Variants in USP25 observed in about 807,000 individuals in gnomAD.
USP25 encodes the protein ubiquitin specific peptidase 25.
Under a neutral mutation model 158.5 loss-of-function variants are expected in USP25, and 85 were observed. The observed-to-expected ratio is 0.54, with a 90% CI of 0.45 to 0.64. The LOEUF is 0.64. USP25 is among the 30% of genes least tolerant of loss of function. The probability of loss-of-function intolerance (pLI) is 0.00; values close to 1 mark genes in which losing one functional copy is unlikely to be tolerated. For missense variants in USP25, 1,242 were observed against 1,327.3 expected (o/e 0.94, Z 1.00); for synonymous variants, 464 against 460.4 (o/e 1.01, Z -0.10).
At chr21:15,738,190 TATC>T (rs2031702858) in intron 1 of USP25, among the ~76,000 whole-genome samples, 1 of 152,244 alleles carries the variant, frequency 6.6e-6, no homozygotes, top group Admixed American at 6.5e-5. Context: ...ATTTTGTGAA[TATC>T]ATCCTGTGTT....
rs1029350072 is a variant in USP25 at position 15,766,840 on chromosome 21, G to C, written c.268+699G>C. Among the ~76,000 whole-genome samples, 19 of 151,882 alleles carry C rather than the reference G, an allele frequency of 1.3e-4. No homozygotes were observed. The highest frequency in any genetic ancestry group is 4.4e-4 in the African/African-American group (18 of 41,354). ...AGTTACTTTTATGCCTTATGGATTT[G>C]CAAAGTTTGATTATTAACATATATT... On this transcript the variant is annotated intron_variant, in intron 3 of 25. Transcript: ENST00000400183. The surrounding 1 kb of genome is among the most constrained non-coding windows in gnomAD (Gnocchi z 4.0).
intron 4 of USP25, among the ~76,000 whole-genome samples, chr21:15,789,381 A>G (rs2035468207): frequency 6.6e-6 from 1 of 152,104 alleles, no homozygotes; most frequent in Admixed American, 6.6e-5. Context: ...AGTTTTCTGT[A>G]GCTGATGTAT....
chr21:15,853,643 C>A (rs1484908351), intron 20 of USP25, among the ~76,000 whole-genome samples: 3 of 151,998 alleles, frequency 2.0e-5, no homozygotes, highest in African/African-American at 7.2e-5. Flanking sequence ...TTTTTAAATT[C>A]AAATGCTTAC....
rs2030653018 is a variant in USP25, at chr21:15,730,282, C to G, written c.-112C>G. ...CCTGGCTGGCGGGGGCGCTGTCCTCCCAGGCCGTCCGCGCCGCTCCCTGGA... is the reference window on the plus strand; with the variant it reads ...CCTGGCTGGCGGGGGCGCTGTCCTCGCAGGCCGTCCGCGCCGCTCCCTGGA... On this transcript the variant is annotated 5_prime_UTR_variant, in exon 1 of 26. Transcript: ENST00000400183. The G allele has an allele frequency of 1.0e-6, 1 of 985,394 alleles. No homozygotes were observed. The highest frequency in any genetic ancestry group is 4.6e-5 in the South Asian group (1 of 21,912). 61.0% of individuals were successfully genotyped at this position (985,394 alleles called of 1,614,324 possible). A position where few individuals can be genotyped will look rare whatever the true frequency, so the allele number is the denominator to read the frequency against.
chr21:15,739,873 G>T (rs561269713), intron 1 of USP25, among the ~76,000 whole-genome samples: 3 of 152,330 alleles, frequency 2.0e-5, no homozygotes, highest in African/African-American at 7.2e-5. Context: ...TATTTTGGCA[G>T]ACTTTAATTA....
chr21:15,756,559 C>A (rs891513908), intron 1 of USP25, among the ~76,000 whole-genome samples: 1 of 152,010 alleles, frequency 6.6e-6, no homozygotes, highest in African/African-American at 2.4e-5. Flanking sequence ...TTTAAAAATA[C>A]CCAGCATTAA....
intron 5 of USP25, among the ~76,000 whole-genome samples, chr21:15,793,502 A>T (rs1431684717): frequency 2.5e-5 from 3 of 120,428 alleles, no homozygotes; most frequent in African/African-American, 2.1e-4. Flanking sequence ...ATTATCTTTT[A>T]AAAAAATGCC....
intron 3 of USP25, among the ~76,000 whole-genome samples, chr21:15,767,191 G>A (rs2034089478): frequency 6.6e-6 from 1 of 152,022 alleles, no homozygotes; most frequent in African/African-American, 2.4e-5. Flanking sequence ...TTTTCCTCCT[G>A]TCATTCAACA....
At chr21:15,847,568 G>A in intron 18 of USP25, 95 bp from the exon 19 acceptor site, 1 of 810,500 alleles carries the variant, frequency 1.2e-6, no homozygotes, top group Non-Finnish European at 2.0e-6. Flanking sequence ...CAGGGCTGCT[G>A]CTTAGGGATG....
At chr21:15,818,885 G>T (rs761763589) in intron 10 of USP25, 39 bp downstream of exon 10, 45 of 1,605,704 alleles carry the variant, frequency 2.8e-5, no homozygotes, top group Non-Finnish European at 3.5e-5. Flanking sequence ...TCTTCCCTAG[G>T]TCTTTCTTAC....
Position 15,831,417 on chromosome 21 carries a change from A to G in USP25, c.1781A>G (p.His594Arg). The G allele has an allele frequency of 6.2e-7, 1 of 1,614,034 alleles. No individual in the cohort carries two copies. Among genetic ancestry groups the G allele is most frequent in the Non-Finnish European group, 8.5e-7 (1 of 1,179,952 alleles). The change falls in exon 16 of 26, where the codon CAT (histidine) becomes CGT (arginine). Residue 594 changes from histidine to arginine, a missense_variant. Transcript: ENST00000400183. ...KSMIQVPYRL[H>R]AVLVHEGQAN... ...CACATTTAGGTTCCTTATCGATTAC[A>G]TGCCGTTTTAGTTCACGAAGGCCAA...
At chr21:15,851,041 G>A (rs1461810010) in intron 20 of USP25, among the ~76,000 whole-genome samples, 3 of 151,508 alleles carry the variant, frequency 2.0e-5, no homozygotes, top group Non-Finnish European at 4.4e-5. Context: ...ATAGTTTCTA[G>A]GTTTCTAACT....
At chr21:15,856,677 T>C (rs541400915) in intron 20 of USP25, among the ~76,000 whole-genome samples, 2 of 152,162 alleles carry the variant, frequency 1.3e-5, no homozygotes, top group Non-Finnish European at 2.9e-5. Flanking sequence ...TTCACCGTGT[T>C]AGCCAGGATG....
chr21:15,831,346 T>A (rs941378211), intron 15 of USP25, 55 bp from the exon 16 acceptor site: 1 of 1,495,938 alleles, frequency 6.7e-7, no homozygotes. Flanking sequence ...TCATGGAATG[T>A]GGTATATAGT....
At chr21:15,859,182 C>A (rs1255751959) in intron 20 of USP25, among the ~76,000 whole-genome samples, 1 of 147,932 alleles carries the variant, frequency 6.8e-6, no homozygotes, top group East Asian at 2.0e-4. Context: ...AGGAGGCTTT[C>A]TCTTGTTTTG....
At chr21:15,735,876 G>A (rs2031443742) in intron 1 of USP25, among the ~76,000 whole-genome samples, 3 of 151,548 alleles carry the variant, frequency 2.0e-5, no homozygotes, top group South Asian at 2.1e-4. Context: ...ATCTTTTCTA[G>A]GGTCAAATTT....
intron 1 of USP25, among the ~76,000 whole-genome samples, chr21:15,734,958 A>G (rs952003318): frequency 6.6e-6 from 1 of 152,142 alleles, no homozygotes; most frequent in African/African-American, 2.4e-5. Context: ...CAACCACCTT[A>G]TGAAGTGAGT....
intron 4 of USP25, among the ~76,000 whole-genome samples, chr21:15,788,249 C>T (rs1458796950): frequency 6.6e-6 from 1 of 151,446 alleles, no homozygotes; most frequent in East Asian, 1.9e-4. Flanking sequence ...TGGGTAGTAT[C>T]ATTGGAAAGG....
chr21:15,795,634 A>G (rs770816732), intron 5 of USP25, among the ~76,000 whole-genome samples: 15 of 151,506 alleles, frequency 9.9e-5, no homozygotes, highest in Non-Finnish European at 1.8e-4. Flanking sequence ...TGCTGTTTGT[A>G]GCTCTCAATC....
Sources: gnomAD v4.1 joint callset for allele counts (sites outside exome capture counted in the v4.1 genomes callset) on GRCh38, gnomAD v4.1.1 for gene constraint, Gnocchi (gnomAD v3.1) non-coding constraint, MANE v1.5 for transcripts, NCBI Gene and HGNC (gene_info 2026-07-23, HGNC 2026-07-21) for gene names.